Variants in AFF4 observed in about 807,000 individuals in gnomAD.
AFF4 encodes ALF transcription elongation factor 4, also known as AF4/FMR2 family member 4.
AFF4 carries 13 observed loss-of-function variants against 124.8 expected under a neutral mutation model. The observed-to-expected ratio is 0.10, with a 90% CI of 0.07 to 0.17. AFF4 has a LOEUF of 0.17. AFF4 is among the 10% of genes least tolerant of loss of function. The pLI is 1.00. For missense variants in AFF4, 1,092 were observed against 1,403.8 expected, an observed-to-expected ratio of 0.78 and a Z score of 3.55; for synonymous variants, 477 against 496.1, an observed-to-expected ratio of 0.96 and a Z score of 0.51.
At chr5:132,935,681 G>A in intron 2 of AFF4, among the ~76,000 whole-genome samples, 1 of 151,770 alleles carries the variant, frequency 6.6e-6, no homozygotes. Context: ...TGAGGCAGGA[G>A]AATCGCTTGA....
chr5:132,917,578 A>G (rs964139442), intron 5 of AFF4, among the ~76,000 whole-genome samples: 12 of 152,166 alleles, frequency 7.9e-5, no homozygotes, highest in African/African-American at 2.7e-4. Flanking sequence ...TAAAATCTTT[A>G]TTCACAGGTG....
intron 5 of AFF4, 111 bp downstream of exon 5, chr5:132,927,010 T>C (rs574119102): frequency 1.9e-5 from 15 of 795,564 alleles, no homozygotes; most frequent in Non-Finnish European, 3.0e-5. Context: ...ACTTATTTAC[T>C]GTCTGTCTCC....
intron 3 of AFF4, 106 bp downstream of exon 3, chr5:132,934,041 C>T (rs1159200990): frequency 7.8e-7 from 1 of 1,277,702 alleles, no homozygotes; most frequent in Non-Finnish European, 1.1e-6. Context: ...TTTTACATTC[C>T]TTACTATTAA....
At chr5:132,932,960 C>G (rs1484064092) in intron 3 of AFF4, among the ~76,000 whole-genome samples, 2 of 152,198 alleles carry the variant, frequency 1.3e-5, no homozygotes, top group Non-Finnish European at 2.9e-5. Flanking sequence ...CCCAAGGCCA[C>G]TGGAAAGATG....
intron 5 of AFF4, among the ~76,000 whole-genome samples, chr5:132,915,426 C>T (rs1437461712): frequency 6.6e-6 from 1 of 152,058 alleles, no homozygotes; most frequent in African/African-American, 2.4e-5. Context: ...CCAATCCATT[C>T]TATAAGGCCA....
chr5:132,947,307 G>A (rs147589129), intron 1 of AFF4, among the ~76,000 whole-genome samples: 2 of 152,168 alleles, frequency 1.3e-5, no homozygotes, highest in African/African-American at 2.4e-5. Context: ...GGAGGCTGAG[G>A]CAAGAGAATC....
intron 5 of AFF4, among the ~76,000 whole-genome samples, chr5:132,918,851 G>T (rs1760976238): frequency 6.6e-6 from 1 of 150,744 alleles, no homozygotes; most frequent in Non-Finnish European, 1.5e-5. Context: ...AATCCCACAA[G>T]ACTTTTATGT....
chr5:132,887,814 T>C (rs1760153832), intron 16 of AFF4, 32 bp downstream of exon 16: 5 of 1,609,282 alleles, frequency 3.1e-6, no homozygotes, highest in Non-Finnish European at 4.2e-6. Context: ...AATAATGTTA[T>C]TGCCAATGAT....
chr5:132,943,712 A>C (rs905615646), intron 1 of AFF4: 2 of 275,298 alleles, frequency 7.3e-6, no homozygotes, highest in Non-Finnish European at 1.5e-5. Context: ...AAAAATGTTC[A>C]TCATGGCAAT....
At chr5:132,912,877 A>ACG (rs1310371980) in intron 5 of AFF4, among the ~76,000 whole-genome samples, 1 of 151,908 alleles carries the variant, frequency 6.6e-6, no homozygotes, top group Non-Finnish European at 1.5e-5. Context: ...ACACACACAC[A>ACG]CACACAAAAG....
chr5:132,880,242 C>G lies in AFF4; in HGVS notation c.*817G>C. On this transcript the variant is annotated 3_prime_UTR_variant, in exon 21 of 21. Transcript: ENST00000265343. ...TAAAATCCGTAACGTTCAGGATTGT[C>G]CTTTTATGAAACCCTTCAACATGAA... The G allele has an allele frequency of 2.5e-6, 1 of 398,918 alleles. No homozygotes were observed. The highest frequency in any genetic ancestry group is 4.4e-6 in the Non-Finnish European group (1 of 226,004). 24.7% of individuals were successfully genotyped at this position (398,918 alleles called of 1,614,324 possible).
At chr5:132,883,632 T>G in intron 19 of AFF4, 72 bp from the exon 20 acceptor site, 1 of 1,335,724 alleles carries the variant, frequency 7.5e-7, no homozygotes, top group Non-Finnish European at 1.0e-6. Flanking sequence ...CTACTAGCTC[T>G]TTCTACATGA....
intron 5 of AFF4, among the ~76,000 whole-genome samples, chr5:132,918,632 G>A (rs1760970872): frequency 6.6e-6 from 1 of 152,140 alleles, no homozygotes; most frequent in Non-Finnish European, 1.5e-5. Flanking sequence ...CAGCCTGGGT[G>A]ACAGAGTGAC....
intron 5 of AFF4, among the ~76,000 whole-genome samples, chr5:132,920,061 T>A (rs190720203): frequency 2.9e-3 from 440 of 152,138 alleles, no homozygotes; most frequent in African/African-American, 7.9e-3. Context: ...CTTTTTTTCT[T>A]TTTTTTCAGA....
At chr5:132,942,281 G>A (rs1251141218) in intron 1 of AFF4, among the ~76,000 whole-genome samples, 1 of 152,128 alleles carries the variant, frequency 6.6e-6, no homozygotes, top group Non-Finnish European at 1.5e-5. Context: ...TGGTTACTAG[G>A]CTCTTACAAA....
At chr5:132,919,624 T>A (rs187513293) in intron 5 of AFF4, among the ~76,000 whole-genome samples, 23 of 152,106 alleles carry the variant, frequency 1.5e-4, no homozygotes, top group Admixed American at 5.9e-4. Flanking sequence ...CCAAGGCAGG[T>A]GGATCATTTA....
rs1561485221 is a variant in AFF4 at position 132,897,253 on chromosome 5, G to A, written c.1390-13C>T. On this transcript the variant is annotated splice_polypyrimidine_tract_variant and intron_variant, in intron 10 of 20. Coordinates refer to ENST00000265343, the MANE Select transcript of AFF4 (RefSeq NM_014423.4). Reference sequence around the variant, plus strand: ...GCGGGGGTTCAGGCTGAAAAACAGAGAAATATGTATGCTTTTTTCGATACT... The same window carrying A: ...GCGGGGGTTCAGGCTGAAAAACAGAAAAATATGTATGCTTTTTTCGATACT... 2 of 1,607,098 alleles carry A rather than the reference G, an allele frequency of 1.2e-6. No individual in the cohort carries two copies. Among genetic ancestry groups the A allele is most frequent in the East Asian group, 2.2e-5 (1 of 44,776 alleles).
intron 11 of AFF4, among the ~76,000 whole-genome samples, chr5:132,895,747 T>C (rs2023896): frequency 0.85 from 128,812 of 152,202 alleles, 55,099 homozygotes; most frequent in Middle Eastern, 0.92. Context: ...CACATTTCCT[T>C]AGTCTAAGAA....
At chr5:132,900,484 C>T (rs1336768611) in intron 7 of AFF4, among the ~76,000 whole-genome samples, 1 of 151,950 alleles carries the variant, frequency 6.6e-6, no homozygotes, top group Admixed American at 6.6e-5. Context: ...TGCTTGAACC[C>T]GGGAGCTGGA....
Sources: gnomAD v4.1 joint callset for allele counts (sites outside exome capture counted in the v4.1 genomes callset) on GRCh38, gnomAD v4.1.1 for gene constraint, MANE v1.5 for transcripts, NCBI Gene and HGNC (gene_info 2026-07-23, HGNC 2026-07-21) for gene names.